The following SRSF1 variants were observed in gnomAD, a reference collection of about 807,000 sequenced individuals.
SRSF1 encodes the protein serine/arginine-rich splicing factor 1.
A neutral mutation model predicts 25.9 loss-of-function variants in SRSF1; 1 was observed. The observed-to-expected ratio is 0.04, with a 90% CI of 0.01 to 0.18. The LOEUF is 0.18. Among genes scored for constraint, SRSF1 ranks in the 10% least tolerant of loss-of-function variants. The pLI, the probability that SRSF1 is intolerant of heterozygous loss-of-function variation, is 1.00. For missense variants in SRSF1, 65 were observed against 350.5 expected (o/e 0.19, Z 6.50); for synonymous variants, 132 against 126.2 (o/e 1.05, Z -0.31).
chr17:58,006,266 T>C, intron 2 of SRSF1, 77 bp downstream of exon 2: 3 of 1,506,942 alleles, frequency 2.0e-6, no homozygotes, highest in Non-Finnish European at 1.8e-6. Context: ...TTTGCAATTA[T>C]TAAACCTGTC....
chr17:57,997,836 T>G (rs933745791), downstream of SRSF1, among the ~76,000 whole-genome samples: 2 of 152,184 alleles, frequency 1.3e-5, no homozygotes, highest in African/African-American at 4.8e-5. Flanking sequence ...AATTTACTAT[T>G]TTTAGAGTAC....
chr17:57,994,909 G>A, the SRSF1 span: 2 of 152,290 alleles, frequency 1.3e-5, no homozygotes, highest in East Asian at 1.9e-4. Flanking sequence ...ACTGTCACTG[G>A]GGATACTTCT....
At chr17:57,989,566 G>C in the SRSF1 span, 135 of 397,718 alleles carry the variant, frequency 3.4e-4, no homozygotes, top group Non-Finnish European at 5.8e-4. Flanking sequence ...GAAAACCAAG[G>C]AGATATAGTA....
Position 58,007,171 on chromosome 17 carries a change from C to T in SRSF1, c.-34G>A. 1 of 1,610,698 alleles carries T rather than the reference C, an allele frequency of 6.2e-7. No homozygotes were observed. Among genetic ancestry groups the T allele is most frequent in the Non-Finnish European group, 8.5e-7 (1 of 1,178,482 alleles). On this transcript the variant is annotated 5_prime_UTR_variant, in exon 1 of 4. Transcript: ENST00000258962. ...CGAAAAGCGCGGACTCGAGAACAGG[C>T]CTTCCCACCAAGCCTAGCGCACGGC...
At chr17:57,999,119 T>G (rs1388919670), downstream of SRSF1, among the ~76,000 whole-genome samples, 1 of 152,174 alleles carries the variant, frequency 6.6e-6, no homozygotes, top group African/African-American at 2.4e-5. Context: ...ACCTGCTACT[T>G]AAGTGAGGCC....
the SRSF1 span, chr17:57,994,545 T>G: frequency 6.6e-6 from 1 of 152,162 alleles, no homozygotes; most frequent in Non-Finnish European, 1.5e-5. Context: ...AATCAGTAGG[T>G]TACTCTTTAG....
the SRSF1 span, chr17:57,992,277 AATACAACTGGAAAAC>A: frequency 1.3e-5 from 2 of 152,214 alleles, no homozygotes; most frequent in African/African-American, 4.8e-5. Flanking sequence ...TAAGAAATTC[AATACAACTGGAAAAC>A]ATACTCATAG....
the SRSF1 span, chr17:57,993,399 A>G: frequency 6.6e-6 from 1 of 152,412 alleles, no homozygotes; most frequent in South Asian, 2.1e-4. Context: ...CAAAAAAAAA[A>G]AAAAGTGCCT....
At chr17:57,998,788 A>G (rs2075374229), downstream of SRSF1, among the ~76,000 whole-genome samples, 1 of 152,218 alleles carries the variant, frequency 6.6e-6, no homozygotes, top group Non-Finnish European at 1.5e-5. Flanking sequence ...CCCCACAAGA[A>G]GTCCACTTTG....
downstream of SRSF1, among the ~76,000 whole-genome samples, chr17:57,997,363 C>T (rs1161961576): frequency 6.6e-6 from 1 of 152,216 alleles, no homozygotes; most frequent in Admixed American, 6.5e-5. Flanking sequence ...GTGAAACAGA[C>T]TTCTACAGTG....
At chr17:58,000,696 A>C (rs1417400153), downstream of SRSF1, among the ~76,000 whole-genome samples, 4 of 152,194 alleles carry the variant, frequency 2.6e-5, no homozygotes, top group Admixed American at 6.5e-5. Context: ...AGTTACAGAC[A>C]AAAGCATTAG....
chr17:57,996,189 A>G (rs895451838), downstream of SRSF1, among the ~76,000 whole-genome samples: 8 of 152,166 alleles, frequency 5.3e-5, no homozygotes, highest in East Asian at 3.9e-4. Flanking sequence ...AGTTTAAAAC[A>G]TAAGACTTTG....
In SRSF1 at chr17:58,001,117, AATAC is replaced by A. The variant is rs2075386684; in HGVS notation, c.*4285_*4288del. Among the ~76,000 whole-genome samples the A allele has an allele frequency of 6.6e-6, 1 of 152,194 alleles. No homozygotes were observed. ...TCATCTTTTAATACTATTTATGGTA[AATAC>A]ATATATATAACTTACTTGCAATTTA... is the stretch of plus-strand genomic sequence containing the variant. On this transcript the variant is annotated 3_prime_UTR_variant, in exon 4 of 4. Transcript: ENST00000258962.
intron 1 of SRSF1, 125 bp downstream of exon 1, chr17:58,006,819 C>T: frequency 1.7e-6 from 2 of 1,192,564 alleles, no homozygotes; most frequent in South Asian, 1.4e-5. Context: ...CCTGCATGGG[C>T]GATACAGTCT....
chr17:57,992,481 A>T, the SRSF1 span: 1 of 152,052 alleles, frequency 6.6e-6, no homozygotes, highest in Admixed American at 6.5e-5. Context: ...AGTAAAAAAT[A>T]AAAAATTAAA....
rs1453784287 is a variant in SRSF1, at chr17:58,001,472, G to GA, written c.*3933dup. On this transcript the variant is annotated 3_prime_UTR_variant, in exon 4 of 4. Coordinates refer to ENST00000258962, the MANE Select transcript of SRSF1 (RefSeq NM_006924.5). ...TTCAGACCCAAACAATCAAGAACCA[G>GA]AAAATGGGTTTCTTACCTTTTGTTT... 1.3e-5 allele frequency among the ~76,000 whole-genome samples: 2 copies of GA among 152,150 alleles called. No homozygotes were observed. Among genetic ancestry groups the GA allele is most frequent in the African/African-American group, 4.8e-5 (2 of 41,448 alleles).
chr17:58,006,603 C>T, intron 1 of SRSF1, 76 bp from the exon 2 acceptor site: 1 of 1,473,670 alleles, frequency 6.8e-7, no homozygotes, highest in Middle Eastern at 2.3e-4. Context: ...CCAGCAAACC[C>T]CCCGCACATG....
chr17:57,997,361 G>C (rs1420178062), downstream of SRSF1, among the ~76,000 whole-genome samples: 1 of 152,200 alleles, frequency 6.6e-6, no homozygotes, highest in Non-Finnish European at 1.5e-5. Flanking sequence ...TTGTGAAACA[G>C]ACTTCTACAG....
intron 2 of SRSF1, 78 bp from the exon 3 acceptor site, chr17:58,006,051 A>G: frequency 7.1e-7 from 1 of 1,400,180 alleles, no homozygotes; most frequent in South Asian, 1.3e-5. Flanking sequence ...ATTAGGACAA[A>G]GAGTACTTTA....
Sources: allele counts gnomAD v4.1 joint callset (sites outside exome capture counted in the v4.1 genomes callset), GRCh38; gene constraint gnomAD v4.1.1; transcripts MANE v1.5; gene names NCBI Gene and HGNC (gene_info 2026-07-23, HGNC 2026-07-21).